The following SDHD variants were observed in gnomAD, a reference collection of about 807,000 sequenced individuals.
The protein encoded by SDHD is succinate dehydrogenase [ubiquinone] cytochrome b small subunit, mitochondrial.
In SDHD, 6 loss-of-function variants were observed where a neutral mutation model predicts 18.7. The ratio of observed to expected loss-of-function variants is 0.32; its 90% CI spans 0.18 to 0.63. The LOEUF is 0.63. Ranked by LOEUF, SDHD falls within the 30% of genes least tolerant of loss-of-function variation. The pLI, the probability that SDHD is intolerant of heterozygous loss-of-function variation, is 0.79. For missense variants in SDHD, 160 were observed against 192.7 expected, an observed-to-expected ratio of 0.83 and a Z score of 1.00; for synonymous variants, 56 against 73.9, an observed-to-expected ratio of 0.76 and a Z score of 1.24.
Position 112,095,361 on chromosome 11 carries a change from C to G in SDHD, c.*391C>G, listed in dbSNP as rs533163850. The G allele has an allele frequency of 9.6e-6, 3 of 311,850 alleles. No homozygotes were observed. The East Asian group carries it at 1.4e-4, about 15-fold the overall frequency. The allele number at this position is 311,850 out of a possible 1,614,324, so 19.3% of individuals were successfully genotyped here. A position where few individuals can be genotyped will look rare whatever the true frequency, so the allele number is the denominator to read the frequency against. Reference sequence around the variant, plus strand: ...GGAATAATGGACAAAGGGAAATACTCTTAATTCATGAATAAAAACTTTGCA... The same window carrying G: ...GGAATAATGGACAAAGGGAAATACTGTTAATTCATGAATAAAAACTTTGCA... On this transcript the variant is annotated 3_prime_UTR_variant, in exon 4 of 4. Coordinates refer to ENST00000375549, the MANE Select transcript of SDHD (RefSeq NM_003002.4).
Position 112,095,292 on chromosome 11 carries a change from C to G in SDHD, c.*322C>G, listed in dbSNP as rs1193072953. 3 of 406,786 alleles carry G rather than the reference C, an allele frequency of 7.4e-6. No homozygotes were observed. Among genetic ancestry groups the G allele is most frequent in the Non-Finnish European group, 1.4e-5 (3 of 217,996 alleles). The allele number at this position is 406,786 out of a possible 1,614,324, so 25.2% of individuals were successfully genotyped here. ...TATCAATCTCTTAAAGAGAATCCAA[C>G]TTTATTACGATTAGTATATGATCAA... On this transcript the variant is annotated 3_prime_UTR_variant, in exon 4 of 4. Transcript: ENST00000375549.
chr11:112,088,536 G>A (rs919505486), intron 2 of SDHD: 5 of 386,108 alleles, frequency 1.3e-5, no homozygotes, highest in Non-Finnish European at 2.0e-5. Flanking sequence ...CATTCATAAG[G>A]TGTCTGTTCA....
chr11:112,095,233 C>G lies in SDHD; in HGVS notation c.*263C>G. On this transcript the variant is annotated 3_prime_UTR_variant, in exon 4 of 4. Transcript: ENST00000375549. ...GCTTCTTATAAGACTCACAGTATAA[C>G]TAAACATGATATATCAGCTTTTGCC... 4.0e-6 allele frequency: 2 copies of G among 496,706 alleles called. No individual in the cohort carries two copies. Among genetic ancestry groups the G allele is most frequent in the Non-Finnish European group, 7.3e-6 (2 of 272,492 alleles). The allele number at this position is 496,706 out of a possible 1,614,324, so 30.8% of individuals were successfully genotyped here.
chr11:112,092,922 ATAT>A (rs1865771109), intron 3 of SDHD, among the ~76,000 whole-genome samples: 1 of 152,094 alleles, frequency 6.6e-6, no homozygotes, highest in African/African-American at 2.4e-5. Context: ...ATACAATAGA[ATAT>A]TATTCAGCCA....
chr11:112,089,275 A>G (rs776785885), intron 3 of SDHD, among the ~76,000 whole-genome samples: 11 of 151,980 alleles, frequency 7.2e-5, no homozygotes, highest in African/African-American at 2.7e-4. Context: ...TTCCTCCTGC[A>G]CTCTTGCCCC....
chr11:112,093,790 T>G (rs1865790330), intron 3 of SDHD, among the ~76,000 whole-genome samples: 1 of 152,168 alleles, frequency 6.6e-6, no homozygotes, highest in South Asian at 2.1e-4. Context: ...TTACTATTCA[T>G]TAGAGATGCC....
intron 3 of SDHD, among the ~76,000 whole-genome samples, chr11:112,092,496 T>C (rs1307289247): frequency 6.6e-6 from 1 of 152,140 alleles, no homozygotes; most frequent in East Asian, 1.9e-4. Flanking sequence ...GATATACAAA[T>C]GGCCAATAAG....
At chr11:112,089,129 A>G (rs936897795) in intron 3 of SDHD, 118 bp downstream of exon 3, 3 of 988,034 alleles carry the variant, frequency 3.0e-6, no homozygotes, top group Non-Finnish European at 4.6e-6. Flanking sequence ...TGAAAACTTT[A>G]AAATATATAT....
intron 2 of SDHD, chr11:112,088,224 G>C: frequency 4.2e-6 from 2 of 479,544 alleles, no homozygotes; most frequent in South Asian, 4.1e-5. Flanking sequence ...TTTTGAGACA[G>C]AGTCTCGCTC....
rs1369470625 is a variant in SDHD, at chr11:112,095,791, T to A, written c.*821T>A. On this transcript the variant is annotated 3_prime_UTR_variant, in exon 4 of 4. Coordinates refer to ENST00000375549, the MANE Select transcript of SDHD (RefSeq NM_003002.4). Reference sequence around the variant, plus strand: ...ATATAATAAAAGTGTCTTCTATGCTTTTATATATTAGCTATCAGTAGTTTT... The same window carrying A: ...ATATAATAAAAGTGTCTTCTATGCTATTATATATTAGCTATCAGTAGTTTT... 4 of 200,198 alleles carry A rather than the reference T, an allele frequency of 2.0e-5. No individual in the cohort carries two copies. In the Admixed American group the frequency reaches 2.4e-4, roughly 12 times the overall value. The allele number at this position is 200,198 out of a possible 1,614,324, so 12.4% of individuals were successfully genotyped here. A position where few individuals can be genotyped will look rare whatever the true frequency, so the allele number is the denominator to read the frequency against.
At position 112,093,568 on chromosome 11, in the gene SDHD, C is replaced by T. The variant is rs191537195; in HGVS notation, c.315-1237C>T. Among the ~76,000 whole-genome samples the T allele has an allele frequency of 6.6e-4, 101 of 152,172 alleles. 2 individuals are homozygous for T. The highest frequency in any genetic ancestry group is 2.4e-3 in the African/African-American group (98 of 41,504). On this transcript the variant is annotated intron_variant, in intron 3 of 3. Coordinates refer to ENST00000375549, the MANE Select transcript of SDHD (RefSeq NM_003002.4). ...ACTAAAAAGCGTGAATTTTTTCTGG[C>T]GTTTGACTTACATTGCAATAAAACT...
intron 3 of SDHD, among the ~76,000 whole-genome samples, chr11:112,091,834 C>T (rs1191766806): frequency 5.3e-5 from 8 of 152,138 alleles, no homozygotes; most frequent in African/African-American, 1.2e-4. Flanking sequence ...TTTGGGAGGC[C>T]GAGGCGGGCG....
Position 112,086,930 on chromosome 11 carries a change from G to T in SDHD, c.23G>T (p.Ser8Ile), listed in dbSNP as rs558914063. Residue 8 changes from serine to isoleucine, a missense_variant, in exon 1 of 4, where the codon AGT (serine) becomes ATT (isoleucine). Ser to Ile is a moderately radical substitution (Grantham distance 142, BLOSUM62 -2). Transcript: ENST00000375549. Reference sequence around the variant, plus strand: ...GAGATGGCGGTTCTCTGGAGGCTGAGTGCCGTTTGCGGTGCCCTAGGAGGC... The same window carrying T: ...GAGATGGCGGTTCTCTGGAGGCTGATTGCCGTTTGCGGTGCCCTAGGAGGC... MAVLWRL[S>I]AVCGALGGRA... 6.2e-7 allele frequency: 1 copy of T among 1,614,242 alleles called. No individual in the cohort carries two copies. The highest frequency in any genetic ancestry group is 2.2e-5 in the East Asian group (1 of 44,888).
chr11:112,090,210 C>T (rs967092241), intron 3 of SDHD, among the ~76,000 whole-genome samples: 5 of 152,138 alleles, frequency 3.3e-5, no homozygotes, highest in African/African-American at 1.2e-4. Context: ...CAGGTACAAG[C>T]GATTCTCCCT....
chr11:112,092,966 T>A (rs1450321699), intron 3 of SDHD: 1 of 189,398 alleles, frequency 5.3e-6, no homozygotes, highest in Non-Finnish European at 1.1e-5. Flanking sequence ...ATAAATGCTA[T>A]GACATGGATG....
chr11:112,088,745 G>A, intron 2 of SDHD, 122 bp from the exon 3 acceptor site: 1 of 1,061,640 alleles, frequency 9.4e-7, no homozygotes, highest in Non-Finnish European at 1.5e-6. Flanking sequence ...TACTTCCTTT[G>A]TACTCAGAGT....
chr11:112,089,140 A>G, intron 3 of SDHD, 129 bp downstream of exon 3: 1 of 886,148 alleles, frequency 1.1e-6, no homozygotes, highest in South Asian at 1.5e-5. Flanking sequence ...AAATATATAT[A>G]AAATATGTAT....
intron 3 of SDHD, among the ~76,000 whole-genome samples, chr11:112,090,097 T>TTG (rs1865715995): frequency 1.5e-5 from 2 of 129,228 alleles, no homozygotes; most frequent in Non-Finnish European, 3.4e-5. Context: ...CAGCGCCTGT[T>TTG]TGTTTGTTTG....
chr11:112,095,746 AT>A lies in SDHD; in HGVS notation c.*783del. The A allele has an allele frequency of 4.7e-6, 1 of 211,556 alleles. No homozygotes were observed. The highest frequency in any genetic ancestry group is 9.5e-6 in the Non-Finnish European group (1 of 104,856). 13.1% of individuals were successfully genotyped at this position (211,556 alleles called of 1,614,324 possible). Reference sequence around the variant, plus strand: ...TGTGAAAATGTATTCTATGAAAATAATTTTTTTAAATAAAATGTTATATAAT... The same window carrying A: ...TGTGAAAATGTATTCTATGAAAATAATTTTTTAAATAAAATGTTATATAAT... On this transcript the variant is annotated 3_prime_UTR_variant, in exon 4 of 4. Transcript: ENST00000375549.
Sources: gnomAD v4.1 joint callset for allele counts (sites outside exome capture counted in the v4.1 genomes callset) on GRCh38, gnomAD v4.1.1 for gene constraint, MANE v1.5 for transcripts, NCBI Gene and HGNC (gene_info 2026-07-23, HGNC 2026-07-21) for gene names.